Variants in CWH43 observed in about 807,000 individuals in gnomAD.
CWH43 encodes PGAP2-interacting protein.
In CWH43, 91 loss-of-function variants were observed where a neutral mutation model predicts 85.7. The ratio of observed to expected loss-of-function variants is 1.06; its 90% confidence interval spans 0.90 to 1.26. CWH43 has a LOEUF of 1.26. Among genes scored for constraint, CWH43 ranks in the 50% most tolerant of loss-of-function variants. The probability of loss-of-function intolerance (pLI) is 0.00; values close to 1 mark genes in which losing one functional copy is unlikely to be tolerated. For missense variants in CWH43, 869 were observed against 839.2 expected (o/e 1.04, Z -0.44); for synonymous variants, 323 against 293.6 (o/e 1.10, Z -1.02).
intron 14 of CWH43, 30 bp downstream of exon 14, chr4:49,044,877 A>C: frequency 6.4e-7 from 1 of 1,573,356 alleles, no homozygotes. Context: ...TTTGTTTTTA[A>C]TCTATTATTA....
rs1375781154 is a variant in CWH43, at chr4:49,061,961, T to C, written c.*71T>C. 2.6e-6 allele frequency: 3 copies of C among 1,144,152 alleles called. No homozygotes were observed. The highest frequency in any genetic ancestry group is 3.4e-6 in the Non-Finnish European group (3 of 875,660). The allele number at this position is 1,144,152 out of a possible 1,614,324, so 70.9% of individuals were successfully genotyped here. A position where few individuals can be genotyped will look rare whatever the true frequency, so the allele number is the denominator to read the frequency against. On this transcript the variant is annotated 3_prime_UTR_variant, in exon 16 of 16. Coordinates refer to ENST00000226432, the MANE Select transcript of CWH43 (RefSeq NM_025087.3). ...AAGTATGTAAGATAAAAAGAAGAGA[T>C]TAATGAAAGTGGGAAAATACACATG...
intron 5 of CWH43, among the ~76,000 whole-genome samples, chr4:48,996,192 C>T (rs1011027692): frequency 1.4e-4 from 21 of 152,072 alleles, no homozygotes; most frequent in African/African-American, 4.3e-4. Context: ...CCAGCACAAA[C>T]ATTTTCTCTG....
At chr4:49,012,818 T>C (rs1045970817) in intron 8 of CWH43, among the ~76,000 whole-genome samples, 10 of 152,198 alleles carry the variant, frequency 6.6e-5, no homozygotes, top group Non-Finnish European at 5.9e-5. Flanking sequence ...GAATAGGAAA[T>C]ATTGCAGAAT....
chr4:48,991,903 A>T, intron 3 of CWH43, 33 bp from the exon 4 acceptor site: 1 of 1,580,546 alleles, frequency 6.3e-7, no homozygotes, highest in Non-Finnish European at 8.7e-7. Context: ...GAGTCCACAT[A>T]AAAAGTGTTT....
At chr4:49,053,498 A>T (rs1359537833) in intron 15 of CWH43, among the ~76,000 whole-genome samples, 1 of 152,156 alleles carries the variant, frequency 6.6e-6, no homozygotes, top group Non-Finnish European at 1.5e-5. Flanking sequence ...AACAGGTGTG[A>T]GGTAATGTCT....
chr4:49,043,527 A>G (rs995199450), intron 13 of CWH43, among the ~76,000 whole-genome samples: 2 of 152,200 alleles, frequency 1.3e-5, no homozygotes, highest in Non-Finnish European at 2.9e-5. Context: ...GGATTCTTAT[A>G]TTGCTTTCTC....
intron 15 of CWH43, among the ~76,000 whole-genome samples, chr4:49,051,546 T>A (rs779153756): frequency 3.9e-5 from 6 of 152,238 alleles, no homozygotes; most frequent in South Asian, 4.1e-4. Context: ...ATAATTCATT[T>A]ACATCACATG....
chr4:49,000,104 G>A (rs1782942252), intron 6 of CWH43, among the ~76,000 whole-genome samples: 1 of 152,146 alleles, frequency 6.6e-6, no homozygotes, highest in South Asian at 2.1e-4. Context: ...TTTGGTTTAT[G>A]TGAGGAGAGA....
intron 8 of CWH43, among the ~76,000 whole-genome samples, chr4:49,007,934 G>A (rs1474722791): frequency 2.0e-5 from 3 of 152,178 alleles, no homozygotes; most frequent in Non-Finnish European, 4.4e-5. Flanking sequence ...ATAAACATAC[G>A]TGTGCATGTA....
intron 5 of CWH43, among the ~76,000 whole-genome samples, chr4:48,998,065 T>C (rs1306051888): frequency 6.6e-6 from 1 of 152,146 alleles, no homozygotes; most frequent in Non-Finnish European, 1.5e-5. Flanking sequence ...AGGCCGAGAC[T>C]CTAGGCAAGA....
chr4:49,012,503 T>C (rs1205680020), intron 8 of CWH43, among the ~76,000 whole-genome samples: 1 of 152,240 alleles, frequency 6.6e-6, no homozygotes, highest in East Asian at 1.9e-4. Context: ...TCCGTCCAGC[T>C]TTGTTCCATT....
chr4:49,042,864 G>C (rs763407568), intron 13 of CWH43, among the ~76,000 whole-genome samples: 1 of 152,150 alleles, frequency 6.6e-6, no homozygotes, highest in Non-Finnish European at 1.5e-5. Flanking sequence ...ACCTCAAAAC[G>C]TAGTGGCTTA....
intron 7 of CWH43, among the ~76,000 whole-genome samples, chr4:49,005,075 T>C (rs1193508007): frequency 3.9e-5 from 6 of 152,328 alleles, no homozygotes. Flanking sequence ...ATAAGGGATC[T>C]ACTTGTTTGT....
chr4:49,015,342 T>C (rs531965156), intron 8 of CWH43, among the ~76,000 whole-genome samples: 66 of 152,206 alleles, frequency 4.3e-4, no homozygotes, highest in Admixed American at 1.0e-3. Flanking sequence ...ATTCTTTTAG[T>C]AGTTGGTTGT....
intron 8 of CWH43, among the ~76,000 whole-genome samples, chr4:49,012,803 C>T (rs1013090986): frequency 2.6e-5 from 4 of 152,174 alleles, no homozygotes; most frequent in Non-Finnish European, 4.4e-5. Context: ...CCAGTGGAGG[C>T]TGCAGAATAG....
rs777454019 is a variant in CWH43, at chr4:49,037,970, G to A, written c.1659-66G>A. 2.4e-5 allele frequency: 35 copies of A among 1,432,322 alleles called. No homozygotes were observed. The Admixed American group carries it at 3.9e-4, about 16-fold the overall frequency. The allele number at this position is 1,432,322 out of a possible 1,614,324, so 88.7% of individuals were successfully genotyped here. A position where few individuals can be genotyped will look rare whatever the true frequency, so the allele number is the denominator to read the frequency against. ...ATGCAGATAGTCTTTGGCAACTTAG[G>A]TACCTAAGGCTTTTTAAAGTTTGTT... On this transcript the variant is annotated intron_variant, in intron 12 of 15. Coordinates refer to ENST00000226432, the MANE Select transcript of CWH43 (RefSeq NM_025087.3).
chr4:49,056,996 T>C (rs1273460548), intron 15 of CWH43, among the ~76,000 whole-genome samples: 1 of 152,220 alleles, frequency 6.6e-6, no homozygotes, highest in Non-Finnish European at 1.5e-5. Flanking sequence ...TAACTATTGT[T>C]GTTGGAAAGG....
Position 49,061,841 on chromosome 4 carries a change from A to G in CWH43, c.2051A>G (p.Tyr684Cys). 7.1e-7 allele frequency: 1 copy of G among 1,398,844 alleles called. No individual in the cohort carries two copies. Among genetic ancestry groups the G allele is most frequent in the Non-Finnish European group, 9.5e-7 (1 of 1,052,232 alleles). The allele number at this position is 1,398,844 out of a possible 1,614,324, so 86.7% of individuals were successfully genotyped here. A position where few individuals can be genotyped will look rare whatever the true frequency, so the allele number is the denominator to read the frequency against. ...RFGSYKEGHNYENNHHFHMNT... is the reference protein window; with the variant it reads ...RFGSYKEGHNCENNHHFHMNT... ...GGATCCTACAAAGAAGGACACAATT[A>G]TGAAAACAACCATCATTTTCATATG... is the stretch of plus-strand genomic sequence containing the variant. The change falls in exon 16 of 16, where the codon TAT becomes TGT. Residue 684 changes from tyrosine to cysteine, a missense_variant. Tyr to Cys is a radical substitution (Grantham distance 194). This residue lies in a region of CWH43 where 577 missense variants were observed against 513.1 expected (regional missense o/e 1.12). Transcript: ENST00000226432.
chr4:49,061,771 T>C, intron 15 of CWH43, 41 bp from the exon 16 acceptor site: 1 of 1,279,148 alleles, frequency 7.8e-7, no homozygotes, highest in Non-Finnish European at 1.0e-6. Flanking sequence ...TGAATGGTTT[T>C]TACATGCCAA....
Sources: allele counts gnomAD v4.1 joint callset (sites outside exome capture counted in the v4.1 genomes callset), GRCh38; gene constraint gnomAD v4.1.1; regional missense constraint gnomAD v4.1.1; transcripts MANE v1.5; gene names NCBI Gene and HGNC (gene_info 2026-07-23, HGNC 2026-07-21).